The following DDRGK1 variants were observed in gnomAD, a reference collection of about 807,000 sequenced individuals.
The protein encoded by DDRGK1 is DDRGK domain containing 1, also known as DDRGK domain-containing protein 1.
Under a neutral mutation model 45.8 loss-of-function variants are expected in DDRGK1, and 38 were observed. That is an observed-to-expected ratio of 0.83 (90% CI 0.64 to 1.09). DDRGK1 has a LOEUF of 1.09. Among genes scored for constraint, DDRGK1 ranks in the 50% least tolerant of loss-of-function variants. The pLI is 0.00. For synonymous variants in DDRGK1, 171 were observed against 168.7 expected, an observed-to-expected ratio of 1.01 and a Z score of -0.11; for missense variants, 403 against 419.9, an observed-to-expected ratio of 0.96 and a Z score of 0.35.
chr20:3,199,488 T>C (rs1054404001), intron 4 of DDRGK1, among the ~76,000 whole-genome samples: 2 of 152,200 alleles, frequency 1.3e-5, no homozygotes, highest in Non-Finnish European at 2.9e-5. Flanking sequence ...GCTCTAACCC[T>C]ATGTACCCCA....
chr20:3,201,726 C>T (rs1314533127), intron 2 of DDRGK1, among the ~76,000 whole-genome samples: 3 of 150,100 alleles, frequency 2.0e-5, no homozygotes, highest in Admixed American at 6.7e-5. Context: ...GGCGCGATCT[C>T]GGCTCGCTGC....
chr20:3,192,346 C>A (rs866717897), intron 6 of DDRGK1, among the ~76,000 whole-genome samples: 3 of 152,168 alleles, frequency 2.0e-5, no homozygotes, highest in Non-Finnish European at 4.4e-5. Flanking sequence ...AAGCCATAGT[C>A]CCCGCCCTGG....
At chr20:3,200,718 C>G (rs1187698166) in intron 2 of DDRGK1, among the ~76,000 whole-genome samples, 1 of 152,198 alleles carries the variant, frequency 6.6e-6, no homozygotes, top group Non-Finnish European at 1.5e-5. Flanking sequence ...TGGCTGAAGC[C>G]TGTAATCCCA....
At chr20:3,191,349 G>A (rs1171462682) in intron 7 of DDRGK1, 111 bp from the exon 8 acceptor site, 73 of 1,226,356 alleles carry the variant, frequency 6.0e-5, no homozygotes, top group African/African-American at 1.3e-4. Context: ...CTCATGCCAC[G>A]CCCAAATGTG....
intron 6 of DDRGK1, among the ~76,000 whole-genome samples, chr20:3,193,811 G>A (rs547554740): frequency 6.6e-6 from 1 of 152,312 alleles, no homozygotes; most frequent in African/African-American, 2.4e-5. Context: ...TGTTGAAGCT[G>A]ACCCCCTCCT....
chr20:3,203,087 C>T lies in DDRGK1; in HGVS notation c.295+126G>A, dbSNP rs1250810867. 26 of 881,876 alleles carry T rather than the reference C, an allele frequency of 2.9e-5. No individual in the cohort carries two copies. The South Asian group carries it at 3.6e-4, about 12-fold the overall frequency. The allele number at this position is 881,876 out of a possible 1,614,324, so 54.6% of individuals were successfully genotyped here. A position where few individuals can be genotyped will look rare whatever the true frequency, so the allele number is the denominator to read the frequency against. On this transcript the variant is annotated intron_variant, in intron 2 of 8. Transcript: ENST00000354488. Reference sequence around the variant, plus strand: ...GGTCCCAAGTCCCCCCCTACTCTACCGTGTGGCTCCCAGACGTCCCTCCTA... The same window carrying T: ...GGTCCCAAGTCCCCCCCTACTCTACTGTGTGGCTCCCAGACGTCCCTCCTA...
intron 4 of DDRGK1, 31 bp from the exon 5 acceptor site, chr20:3,195,384 C>T (rs369776042): frequency 7.8e-5 from 122 of 1,567,984 alleles, no homozygotes; most frequent in South Asian, 2.2e-4. Context: ...AGTCAGGTAT[C>T]GGGGGCAGAA....
chr20:3,199,786 A>G (rs1038660290), intron 4 of DDRGK1, among the ~76,000 whole-genome samples: 3 of 152,226 alleles, frequency 2.0e-5, no homozygotes, highest in Admixed American at 1.3e-4. Flanking sequence ...CGAAAGTTCA[A>G]TAGTCACGTG....
intron 4 of DDRGK1, 110 bp downstream of exon 4, chr20:3,199,891 T>G: frequency 1.0e-6 from 1 of 982,432 alleles, no homozygotes; most frequent in Non-Finnish European, 1.4e-6. Context: ...CCTGCCCTTG[T>G]GCCAGGTCTA....
At chr20:3,193,582 GC>G (rs1386590717) in intron 6 of DDRGK1, among the ~76,000 whole-genome samples, 8 of 152,116 alleles carry the variant, frequency 5.3e-5, no homozygotes, top group African/African-American at 1.7e-4. Context: ...TGTTGCCCAG[GC>G]TAGTCTCAAA....
intron 1 of DDRGK1, 134 bp from the exon 2 acceptor site, chr20:3,203,550 G>T: frequency 1.6e-6 from 2 of 1,261,166 alleles, no homozygotes; most frequent in South Asian, 3.6e-5. Flanking sequence ...CGACTTCTCA[G>T]TCTGACTGGC....
rs373657145 is a variant in DDRGK1, at chr20:3,195,318, G to T, written c.546C>A (p.Ala182=). The T allele has an allele frequency of 1.2e-5, 19 of 1,611,272 alleles. No homozygotes were observed. Among genetic ancestry groups the T allele is most frequent in the Non-Finnish European group, 5.1e-6 (6 of 1,178,788 alleles). The change falls in exon 5 of 9, where the codon GCC becomes GCA. Residue 182 remains alanine (A), a synonymous_variant. Coordinates refer to ENST00000354488, the MANE Select transcript of DDRGK1 (RefSeq NM_023935.3). ...TCAGGTACTCCTCATGCTCCCGCTGGGCCTGCTCCTCGCGGGCCTTCCTCT... is the reference window on the plus strand; with the variant it reads ...TCAGGTACTCCTCATGCTCCCGCTGTGCCTGCTCCTCGCGGGCCTTCCTCT... The part of the protein sequence containing the change: ...EEERKAREEQ[A]QREHEEYLKL...
chr20:3,192,710 C>A (rs1367509478), intron 6 of DDRGK1, among the ~76,000 whole-genome samples: 1 of 152,224 alleles, frequency 6.6e-6, no homozygotes, highest in East Asian at 1.9e-4. Flanking sequence ...CACACAGGCA[C>A]CTGCCCCCAC....
chr20:3,194,124 G>A (rs2067000067), intron 6 of DDRGK1, among the ~76,000 whole-genome samples: 1 of 152,160 alleles, frequency 6.6e-6, no homozygotes, highest in Non-Finnish European at 1.5e-5. Context: ...TCTCTTTCAG[G>A]AGAGGTGGCG....
chr20:3,204,513 C>G (rs1254844247), intron 1 of DDRGK1, 24 bp downstream of exon 1: 2 of 1,545,212 alleles, frequency 1.3e-6, no homozygotes, highest in Non-Finnish European at 1.7e-6. Context: ...GTACCACCAA[C>G]CCTGGTGCAG....
chr20:3,194,192 C>A (rs1289661013), intron 6 of DDRGK1, among the ~76,000 whole-genome samples: 1 of 152,188 alleles, frequency 6.6e-6, no homozygotes, highest in South Asian at 2.1e-4. Context: ...CCACCACCGC[C>A]CCCGCTCCCT....
intron 7 of DDRGK1, 70 bp downstream of exon 7, chr20:3,191,695 G>A: frequency 6.6e-7 from 1 of 1,506,648 alleles, no homozygotes; most frequent in Non-Finnish European, 9.1e-7. Flanking sequence ...CTATCTTTAG[G>A]GCAGGTCCTC....
chr20:3,195,462 C>A, intron 4 of DDRGK1, 109 bp from the exon 5 acceptor site: 1 of 1,440,796 alleles, frequency 6.9e-7, no homozygotes, highest in Non-Finnish European at 9.2e-7. Context: ...CCAGCCTTTT[C>A]TCAGAGACAG....
At chr20:3,202,053 C>T (rs527308531) in intron 2 of DDRGK1, among the ~76,000 whole-genome samples, 1 of 151,558 alleles carries the variant, frequency 6.6e-6, no homozygotes, top group South Asian at 2.1e-4. Flanking sequence ...GATCTCGGCT[C>T]ACTGCAAGCT....
Sources: gnomAD v4.1 joint callset for allele counts (sites outside exome capture counted in the v4.1 genomes callset) on GRCh38, gnomAD v4.1.1 for gene constraint, MANE v1.5 for transcripts, NCBI Gene and HGNC (gene_info 2026-07-23, HGNC 2026-07-21) for gene names.